Variants in ELOVL7 observed in about 807,000 individuals in gnomAD.
The protein encoded by ELOVL7 is ELOVL fatty acid elongase 7.
Under a neutral mutation model 35.7 loss-of-function variants are expected in ELOVL7, and 27 were observed. The observed-to-expected ratio is 0.76, with a 90% CI of 0.56 to 1.04. ELOVL7 has a LOEUF of 1.04. Ranked by LOEUF, ELOVL7 falls within the 50% of genes least tolerant of loss-of-function variation. ELOVL7 has a pLI of 0.00. For missense variants in ELOVL7, 327 were observed against 340.8 expected, an observed-to-expected ratio of 0.96 and a Z score of 0.32; for synonymous variants, 113 against 114.6, an observed-to-expected ratio of 0.99 and a Z score of 0.09.
chr5:60,840,915 T>C (rs990073996), intron 1 of ELOVL7, among the ~76,000 whole-genome samples: 1 of 152,024 alleles, frequency 6.6e-6, no homozygotes, highest in African/African-American at 2.4e-5. Flanking sequence ...GTAAATCACA[T>C]TATAATTACT....
intron 7 of ELOVL7, among the ~76,000 whole-genome samples, chr5:60,758,462 T>C (rs1261317983): frequency 1.3e-4 from 20 of 152,210 alleles, no homozygotes; most frequent in Admixed American, 2.6e-4. Flanking sequence ...ACCACTGGCT[T>C]TCACTAGCAA....
Position 60,771,989 on chromosome 5 carries a change from C to T in ELOVL7, c.169G>A (p.Glu57Lys), listed in dbSNP as rs144190698. Residue 57 changes from glutamate to lysine, a missense_variant, in exon 4 of 9, where the codon GAA becomes AAA. Physicochemically the swap from Glu to Lys is moderately conservative, Grantham distance 56 (BLOSUM62 1). Transcript: ENST00000508821. ...FVTSLGPKLM[E>K]NRKPFELKKA... ...TTGAGTTCAAAGGGCTTGCGATTTT[C>T]CATGAGCTTTGGTCCCAAGGAAGTG... The T allele has an allele frequency of 4.3e-6, 7 of 1,613,876 alleles. No individual in the cohort carries two copies. Among genetic ancestry groups the T allele is most frequent in the African/African-American group, 2.7e-5 (2 of 74,924 alleles).
intron 2 of ELOVL7, among the ~76,000 whole-genome samples, chr5:60,791,543 G>A (rs1743937320): frequency 6.6e-6 from 1 of 152,116 alleles, no homozygotes; most frequent in Non-Finnish European, 1.5e-5. Flanking sequence ...ATTTTTTTAA[G>A]TTGTGCCAAT....
chr5:60,785,913 C>A (rs908997389), intron 3 of ELOVL7: 1 of 152,176 alleles, frequency 6.6e-6, no homozygotes, highest in Non-Finnish European at 1.5e-5. Context: ...GAGAAAGCTG[C>A]AAATGATGAA....
chr5:60,796,010 A>C (rs890820066), intron 2 of ELOVL7, among the ~76,000 whole-genome samples: 10 of 152,224 alleles, frequency 6.6e-5, no homozygotes, highest in Non-Finnish European at 1.5e-4. Flanking sequence ...ACAGTATTGT[A>C]TAGACAGTCT....
chr5:60,782,728 T>C (rs1743335570), intron 3 of ELOVL7, among the ~76,000 whole-genome samples: 1 of 152,118 alleles, frequency 6.6e-6, no homozygotes, highest in African/African-American at 2.4e-5. Context: ...TTATCACTTA[T>C]AAAGGAGTCT....
Position 60,751,987 on chromosome 5 carries a change from A to G in ELOVL7, c.*2637T>C, listed in dbSNP as rs1314698303. 1 of 152,168 alleles carries G rather than the reference A, an allele frequency of 6.6e-6. No individual in the cohort carries two copies. The highest frequency in any genetic ancestry group is 1.9e-4 in the East Asian group (1 of 5,204). The allele number at this position is 152,168 out of a possible 1,614,324, so 9.4% of individuals were successfully genotyped here. A position where few individuals can be genotyped will look rare whatever the true frequency, so the allele number is the denominator to read the frequency against. On this transcript the variant is annotated 3_prime_UTR_variant, in exon 9 of 9. Transcript: ENST00000508821. ...TATTTAAAAATCTATATTTGTATTT[A>G]TTTATAATATAGATATAGGCCCTCA...
intron 7 of ELOVL7, among the ~76,000 whole-genome samples, chr5:60,762,299 CAAAAAA>C (rs3030130): frequency 2.5e-5 from 2 of 79,540 alleles, no homozygotes. Flanking sequence ...AACTCTGCCT[CAAAAAA>C]AAAAAAAAAA....
chr5:60,830,831 T>C (rs1023620819), intron 1 of ELOVL7, among the ~76,000 whole-genome samples: 3 of 152,188 alleles, frequency 2.0e-5, no homozygotes, highest in African/African-American at 7.2e-5. Context: ...AGCAAAGCAG[T>C]ACATGATCTG....
chr5:60,829,463 A>G lies in ELOVL7; in HGVS notation c.-86+14697T>C, dbSNP rs150894472. The stretch of plus-strand genomic sequence containing the variant: ...ATGAGTGAATTTTCTCATTACATGG[A>G]AGATTTTTGCATGTCAAGTACAGAA... On this transcript the variant is annotated intron_variant, in intron 1 of 8. Coordinates refer to ENST00000508821, the MANE Select transcript of ELOVL7 (RefSeq NM_024930.3). 2.3e-3 allele frequency among the ~76,000 whole-genome samples: 353 copies of G among 152,312 alleles called. 1 individual carries two copies. Among genetic ancestry groups the G allele is most frequent in the African/African-American group, 8.0e-3 (334 of 41,576 alleles).
chr5:60,833,363 T>A (rs1746599608), intron 1 of ELOVL7, among the ~76,000 whole-genome samples: 1 of 152,256 alleles, frequency 6.6e-6, no homozygotes, highest in East Asian at 1.9e-4. Flanking sequence ...AACATGCCCA[T>A]GACCCAGCAA....
chr5:60,765,157 GC>G (rs1331974813), intron 6 of ELOVL7, among the ~76,000 whole-genome samples: 1 of 152,186 alleles, frequency 6.6e-6, no homozygotes, highest in East Asian at 1.9e-4. Context: ...AACATGCAAA[GC>G]AACTGAGAAT....
At chr5:60,758,862 A>G (rs993867308) in intron 7 of ELOVL7, among the ~76,000 whole-genome samples, 3 of 152,180 alleles carry the variant, frequency 2.0e-5, no homozygotes, top group African/African-American at 7.2e-5. Flanking sequence ...AAAACATTCT[A>G]TTTTCTTAAT....
At chr5:60,815,151 T>G (rs1745447917) in intron 1 of ELOVL7, among the ~76,000 whole-genome samples, 3 of 152,240 alleles carry the variant, frequency 2.0e-5, no homozygotes, top group Admixed American at 1.3e-4. Context: ...CCACATTACT[T>G]TCTGTAACAA....
At chr5:60,839,124 T>G (rs1393773632) in intron 1 of ELOVL7, among the ~76,000 whole-genome samples, 1 of 152,168 alleles carries the variant, frequency 6.6e-6, no homozygotes, top group East Asian at 1.9e-4. Flanking sequence ...GATCATCACC[T>G]GAGTTCAGGT....
rs578128536 is a variant in ELOVL7, at chr5:60,762,064, C to T, written c.499+2163G>A. On this transcript the variant is annotated intron_variant, in intron 7 of 8. Coordinates refer to ENST00000508821, the MANE Select transcript of ELOVL7 (RefSeq NM_024930.3). The stretch of plus-strand genomic sequence containing the variant: ...CCACATGTAAGACTGAACAGAAGTG[C>T]CAATGCATGGAACATATGAGAGAGA... 2.6e-5 allele frequency among the ~76,000 whole-genome samples: 4 copies of T among 151,886 alleles called. No individual in the cohort carries two copies. In the East Asian group the frequency reaches 7.7e-4, roughly 29 times the overall value.
chr5:60,766,488 G>C lies in ELOVL7; in HGVS notation c.393+86C>G, dbSNP rs543791019. On this transcript the variant is annotated intron_variant, in intron 6 of 8. Coordinates refer to ENST00000508821, the MANE Select transcript of ELOVL7 (RefSeq NM_024930.3). ...TTATCAGACAACTGAAACTACAGCA[G>C]TTTATTGGTTTCACTGAAAGATCAA... 21 of 1,176,144 alleles carry C rather than the reference G, an allele frequency of 1.8e-5. No individual in the cohort carries two copies. The East Asian group carries it at 5.1e-4, about 28-fold the overall frequency. 72.9% of individuals were successfully genotyped at this position (1,176,144 alleles called of 1,614,324 possible).
chr5:60,758,287 C>T (rs566158011), intron 7 of ELOVL7, among the ~76,000 whole-genome samples: 7 of 152,256 alleles, frequency 4.6e-5, no homozygotes, highest in African/African-American at 1.7e-4. Flanking sequence ...ACCATATAAA[C>T]GCATCACTAA....
intron 1 of ELOVL7, among the ~76,000 whole-genome samples, chr5:60,840,808 T>G (rs1311508956): frequency 6.6e-6 from 1 of 152,158 alleles, no homozygotes; most frequent in Non-Finnish European, 1.5e-5. Flanking sequence ...AGTCCCAACT[T>G]GTAAAATGAT....
Sources: allele counts gnomAD v4.1 joint callset (sites outside exome capture counted in the v4.1 genomes callset), GRCh38; gene constraint gnomAD v4.1.1; transcripts MANE v1.5; gene names NCBI Gene and HGNC (gene_info 2026-07-23, HGNC 2026-07-21).